The following GPATCH8 variants were observed in gnomAD, a reference collection of about 807,000 sequenced individuals.
GPATCH8 encodes the protein G-patch domain containing 8.
Under a neutral mutation model 118.3 loss-of-function variants are expected in GPATCH8, and 18 were observed. That is an observed-to-expected ratio of 0.15 (90% CI 0.11 to 0.23). GPATCH8 has a LOEUF of 0.23. GPATCH8 is among the 10% of genes least tolerant of loss of function. The probability of loss-of-function intolerance (pLI) is 1.00; values close to 1 mark genes in which losing one functional copy is unlikely to be tolerated. For missense variants in GPATCH8, 1,631 were observed against 1,873.8 expected, an observed-to-expected ratio of 0.87 and a Z score of 2.39; for synonymous variants, 659 against 684.7, an observed-to-expected ratio of 0.96 and a Z score of 0.59.
intron 1 of GPATCH8, among the ~76,000 whole-genome samples, chr17:44,496,431 G>C (rs1969674307): frequency 6.6e-6 from 1 of 152,138 alleles, no homozygotes; most frequent in Non-Finnish European, 1.5e-5. Context: ...GAAACAGTAA[G>C]ATGAATTAGA....
intron 5 of GPATCH8, among the ~76,000 whole-genome samples, chr17:44,429,033 C>A (rs560949207): frequency 1.3e-5 from 2 of 151,772 alleles, no homozygotes; most frequent in African/African-American, 2.4e-5. Flanking sequence ...CCCAGCTACT[C>A]GGGAGGCTGA....
chr17:44,445,169 G>A (rs1013379713), intron 3 of GPATCH8, among the ~76,000 whole-genome samples: 3 of 152,108 alleles, frequency 2.0e-5, no homozygotes, highest in African/African-American at 7.2e-5. Context: ...AGTAGTCAAG[G>A]AGAAGGAAGC....
intron 1 of GPATCH8, among the ~76,000 whole-genome samples, chr17:44,500,497 T>C (rs1969976971): frequency 6.6e-6 from 1 of 152,220 alleles, no homozygotes; most frequent in Non-Finnish European, 1.5e-5. Flanking sequence ...AACTTTTCAC[T>C]ATATATACAA....
chr17:44,483,175 AAATATATATATATATATATAT>A (rs1461653845), intron 1 of GPATCH8, among the ~76,000 whole-genome samples: 3 of 24,816 alleles, frequency 1.2e-4, no homozygotes, highest in Non-Finnish European at 2.6e-4. Flanking sequence ...AAAAAAAAAA[AAATATATATATATATATATAT>A]ATATATATAT....
intron 5 of GPATCH8, among the ~76,000 whole-genome samples, chr17:44,425,674 G>C (rs984707296): frequency 6.6e-6 from 1 of 152,114 alleles, no homozygotes; most frequent in Admixed American, 6.6e-5. Flanking sequence ...GACTATAGGC[G>C]TGTACCAGCA....
intron 3 of GPATCH8, among the ~76,000 whole-genome samples, chr17:44,458,961 C>A (rs980647858): frequency 2.0e-5 from 3 of 152,076 alleles, no homozygotes; most frequent in Admixed American, 6.6e-5. Context: ...ACATTTAAAC[C>A]TCTCATTCAC....
At chr17:44,485,515 C>T (rs1250685763) in intron 1 of GPATCH8, among the ~76,000 whole-genome samples, 1 of 152,146 alleles carries the variant, frequency 6.6e-6, no homozygotes, top group East Asian at 1.9e-4. Flanking sequence ...CAGACTCCGT[C>T]TCCTGAGCTC....
intron 1 of GPATCH8, among the ~76,000 whole-genome samples, chr17:44,492,580 A>C (rs1969340102): frequency 6.6e-6 from 1 of 152,132 alleles, no homozygotes; most frequent in Non-Finnish European, 1.5e-5. Context: ...TCAAAAAAAT[A>C]AAAAACTAAG....
intron 3 of GPATCH8, among the ~76,000 whole-genome samples, chr17:44,452,272 CAAAAAAAAAAAA>C (rs1187689963): frequency 6.9e-5 from 3 of 43,532 alleles, no homozygotes; most frequent in Non-Finnish European, 5.4e-5. Flanking sequence ...CACTCCGTCT[CAAAAAAAAAAAA>C]AAAAAGAAAA....
intron 3 of GPATCH8, among the ~76,000 whole-genome samples, chr17:44,443,553 G>A (rs568432082): frequency 1.3e-5 from 2 of 151,920 alleles, no homozygotes; most frequent in African/African-American, 4.8e-5. Flanking sequence ...TAAAAAAAAA[G>A]GAAAAACTTT....
intron 1 of GPATCH8, 41 bp downstream of exon 1, chr17:44,503,278 GGGCTAGA>G (rs772414481): frequency 6.5e-7 from 1 of 1,538,028 alleles, no homozygotes; most frequent in South Asian, 1.2e-5. Context: ...AGGAGGTTCT[GGGCTAGA>G]CCAGCGCCTT....
rs150034767 is a variant in GPATCH8 at position 44,502,600 on chromosome 17, G to C, written c.45+726C>G. Among the ~76,000 whole-genome samples the C allele has an allele frequency of 2.4e-3, 360 of 152,196 alleles. 3 individuals are homozygous for C. Among genetic ancestry groups the C allele is most frequent in the African/African-American group, 8.3e-3 (343 of 41,516 alleles). The stretch of plus-strand genomic sequence containing the variant: ...TGAAGAAAGAAAAATCAAGCTTTTG[G>C]CACTAGTGACCCCATGCGTGGACGG... On this transcript the variant is annotated intron_variant, in intron 1 of 7. Transcript: ENST00000591680.
intron 1 of GPATCH8, among the ~76,000 whole-genome samples, chr17:44,484,861 ATTTG>A (rs1424779607): frequency 2.0e-5 from 3 of 152,030 alleles, no homozygotes; most frequent in Non-Finnish European, 1.5e-5. Context: ...TTTATTATGT[ATTTG>A]TTTGTGATTC....
Position 44,431,303 on chromosome 17 carries a change from G to A in GPATCH8, c.348+3762C>T, listed in dbSNP as rs776584541. Among the ~76,000 whole-genome samples the A allele has an allele frequency of 1.1e-3, 167 of 150,168 alleles. 1 individual carries two copies. Among genetic ancestry groups the A allele is most frequent in the Non-Finnish European group, 1.8e-3 (124 of 67,778 alleles). On this transcript the variant is annotated intron_variant, in intron 5 of 7. Coordinates refer to ENST00000591680, the MANE Select transcript of GPATCH8 (RefSeq NM_001002909.4). ...GCAGGAGAATTGCTTGAAACCAGGAGGCAAAGGTTGCAGTGAGCTGAGATT... is the reference window on the plus strand; with the variant it reads ...GCAGGAGAATTGCTTGAAACCAGGAAGCAAAGGTTGCAGTGAGCTGAGATT...
chr17:44,496,162 G>T (rs1430261569), intron 1 of GPATCH8, among the ~76,000 whole-genome samples: 1 of 152,106 alleles, frequency 6.6e-6, no homozygotes, highest in Non-Finnish European at 1.5e-5. Context: ...GAGCCACCGC[G>T]CCCAGCCTAC....
chr17:44,450,123 G>A (rs1039414062), intron 3 of GPATCH8, among the ~76,000 whole-genome samples: 1 of 152,170 alleles, frequency 6.6e-6, no homozygotes, highest in African/African-American at 2.4e-5. Flanking sequence ...CTTACTAGTT[G>A]CAGAGTTAGA....
intron 1 of GPATCH8, 47 bp downstream of exon 1, chr17:44,503,279 G>A (rs1970233341): frequency 6.5e-7 from 1 of 1,544,338 alleles, no homozygotes; most frequent in Non-Finnish European, 8.9e-7. Context: ...GGAGGTTCTG[G>A]GCTAGACCAG....
At chr17:44,491,808 CGCAAATTTCCTGG>C (rs1224060303) in intron 1 of GPATCH8, among the ~76,000 whole-genome samples, 2 of 151,584 alleles carry the variant, frequency 1.3e-5, no homozygotes, top group Admixed American at 6.6e-5. Flanking sequence ...AAGCAGTGAT[CGCAAATTTCCTGG>C]GCAAATTTCC....
chr17:44,483,179 ATATATATATATATATATAT>A (rs1968456646), intron 1 of GPATCH8, among the ~76,000 whole-genome samples: 9 of 19,988 alleles, frequency 4.5e-4, no homozygotes, highest in African/African-American at 1.1e-3. Flanking sequence ...AAAAAAAAAT[ATATATATATATATATATAT>A]ATATATATAT....
Sources: gnomAD v4.1 joint callset for allele counts (sites outside exome capture counted in the v4.1 genomes callset) on GRCh38, gnomAD v4.1.1 for gene constraint, MANE v1.5 for transcripts, NCBI Gene and HGNC (gene_info 2026-07-23, HGNC 2026-07-21) for gene names.